ZNF385D: variants seen among roughly 807,000 people sequenced by gnomAD.
ZNF385D encodes the protein zinc finger protein 659.
Under a neutral mutation model 35.8 loss-of-function variants are expected in ZNF385D, and 15 were observed. The observed-to-expected ratio is 0.42, with a 90% CI of 0.28 to 0.64. ZNF385D has a LOEUF of 0.64. Among genes scored for constraint, ZNF385D ranks in the 30% least tolerant of loss-of-function variants. The pLI, the probability that ZNF385D is intolerant of heterozygous loss-of-function variation, is 0.23. For synonymous variants in ZNF385D, 212 were observed against 186.8 expected (o/e 1.13, Z -1.10); for missense variants, 474 against 494.6 (o/e 0.96, Z 0.39).
intron 3 of ZNF385D, among the ~76,000 whole-genome samples, chr3:22,008,899 T>G (rs752936993): frequency 8.5e-5 from 13 of 152,240 alleles, no homozygotes; most frequent in East Asian, 1.9e-4. Context: ...ATCTGAAAAT[T>G]AATGAGAGGC....
chr3:22,303,838 C>T (rs750984174), intron 2 of ZNF385D, among the ~76,000 whole-genome samples: 24 of 152,042 alleles, frequency 1.6e-4, no homozygotes, highest in East Asian at 5.8e-4. Flanking sequence ...AGTGCAATGG[C>T]GCAATCTTGG....
intron 3 of ZNF385D, among the ~76,000 whole-genome samples, chr3:22,086,728 A>G (rs1205699813): frequency 6.6e-6 from 1 of 152,208 alleles, no homozygotes; most frequent in Non-Finnish European, 1.5e-5. Flanking sequence ...TATGGCACAT[A>G]TACACCATGG....
chr3:22,200,695 A>G (rs1173147017), intron 2 of ZNF385D, among the ~76,000 whole-genome samples: 2 of 151,938 alleles, frequency 1.3e-5, no homozygotes, highest in Non-Finnish European at 1.5e-5. Context: ...ACTGGGGTCT[A>G]TTTCACCCCT....
At chr3:21,991,029 G>A (rs1412895504) in intron 3 of ZNF385D, among the ~76,000 whole-genome samples, 3 of 152,118 alleles carry the variant, frequency 2.0e-5, no homozygotes, top group South Asian at 2.1e-4. Context: ...GGTTTGTTAC[G>A]GAGGTATAAT....
intron 2 of ZNF385D, among the ~76,000 whole-genome samples, chr3:22,249,986 C>G (rs1325341028): frequency 1.3e-5 from 2 of 152,116 alleles, no homozygotes; most frequent in Non-Finnish European, 2.9e-5. Context: ...CCCAAAGCAA[C>G]TATACAATGT....
In ZNF385D at chr3:21,437,070, A is replaced by G; in HGVS notation, c.573T>C (p.Pro191=). ...CCTTTTCTTCCTCGGTCTCAGTAGAAGGACATGAGCTATTGCCAGTGGCTG... is the reference window on the plus strand; with the variant it reads ...CCTTTTCTTCCTCGGTCTCAGTAGAGGGACATGAGCTATTGCCAGTGGCTG... ...PTTATGNSSC[P]STETEEEKAK... The change falls in exon 5 of 8, where the codon CCT becomes CCC. Residue 191 remains proline, a synonymous_variant. Transcript: ENST00000281523. The G allele has an allele frequency of 6.2e-7, 1 of 1,614,038 alleles. No homozygotes were observed. Among genetic ancestry groups the G allele is most frequent in the Non-Finnish European group, 8.5e-7 (1 of 1,179,916 alleles).
At chr3:21,821,308 T>C (rs1694209758) in intron 3 of ZNF385D, among the ~76,000 whole-genome samples, 1 of 152,118 alleles carries the variant, frequency 6.6e-6, no homozygotes, top group Non-Finnish European at 1.5e-5. Context: ...ATAAATAAAT[T>C]GTCCTTATCT....
intron 3 of ZNF385D, among the ~76,000 whole-genome samples, chr3:21,965,450 G>A (rs1702860559): frequency 6.6e-6 from 1 of 152,034 alleles, no homozygotes; most frequent in African/African-American, 2.4e-5. Flanking sequence ...GTAAAAATAT[G>A]CTTTTAAAAA....
intron 3 of ZNF385D, chr3:21,777,495 G>C (rs76374241): frequency 6.6e-6 from 1 of 151,758 alleles, no homozygotes; most frequent in African/African-American, 2.4e-5. Flanking sequence ...ATTCTCTGAC[G>C]GTGCATTGGG....
chr3:21,841,907 T>TACATATATGTATATATAC (rs1559680132), intron 3 of ZNF385D, among the ~76,000 whole-genome samples: 1 of 151,662 alleles, frequency 6.6e-6, no homozygotes, highest in Non-Finnish European at 1.5e-5. Flanking sequence ...CAGAAATACA[T>TACATATATGTATATATAC]ACATATATGT....
chr3:21,982,050 T>G (rs1176951652), intron 3 of ZNF385D, among the ~76,000 whole-genome samples: 2 of 151,618 alleles, frequency 1.3e-5, no homozygotes, highest in African/African-American at 4.8e-5. Context: ...ATTTGGGCTC[T>G]TTTTTGGTTC....
chr3:22,143,959 T>C (rs940947526), intron 3 of ZNF385D, among the ~76,000 whole-genome samples: 2 of 152,202 alleles, frequency 1.3e-5, no homozygotes, highest in Admixed American at 1.3e-4. Context: ...AAATGTATAA[T>C]AGGGGTTCAA....
chr3:21,955,824 C>T (rs1436375192), intron 3 of ZNF385D, among the ~76,000 whole-genome samples: 1 of 152,030 alleles, frequency 6.6e-6, no homozygotes, highest in Non-Finnish European at 1.5e-5. Context: ...TGGTGTGACA[C>T]AGATAATTCA....
rs534092563 is a variant in ZNF385D at position 21,600,715 on chromosome 3, G to A, written c.166-36031C>T. Among the ~76,000 whole-genome samples the A allele has an allele frequency of 5.3e-5, 8 of 151,918 alleles. No homozygotes were observed. The South Asian group carries it at 1.3e-3, about 24-fold the overall frequency. On this transcript the variant is annotated intron_variant, in intron 2 of 7. Coordinates refer to ENST00000281523, the MANE Select transcript of ZNF385D (RefSeq NM_024697.3). ...GAGAGAGAGGAAATACAGAGGAAAC[G>A]AGCAGTGCAGGTAACAAAAAAATAA...
chr3:22,208,989 C>T (rs1484700442), intron 2 of ZNF385D, among the ~76,000 whole-genome samples: 1 of 151,760 alleles, frequency 6.6e-6, no homozygotes, highest in Admixed American at 6.6e-5. Context: ...CAAGGTGATC[C>T]CCCACTTTAT....
In ZNF385D at chr3:21,425,504, C is replaced by T. The variant is rs201622878; in HGVS notation, c.840G>A (p.Thr280=). ...ACGTGCTGTTTACCTGTTTAAGTTGCGTTTCCGAGTTGACGTGCACATCAC... is the reference window on the plus strand; with the variant it reads ...ACGTGCTGTTTACCTGTTTAAGTTGTGTTTCCGAGTTGACGTGCACATCAC... ...EICDVHVNSE[T]QLKQHISSRR... The change falls in exon 6 of 8, where the codon ACG becomes ACA. Residue 280 remains threonine, a synonymous_variant. Transcript: ENST00000281523. 128 of 1,596,826 alleles carry T rather than the reference C, an allele frequency of 8.0e-5. No homozygotes were observed. Among genetic ancestry groups the T allele is most frequent in the Middle Eastern group, 1.7e-4 (1 of 6,012 alleles).
At chr3:21,987,964 C>T (rs1694909450) in intron 3 of ZNF385D, among the ~76,000 whole-genome samples, 1 of 147,314 alleles carries the variant, frequency 6.8e-6, no homozygotes, top group African/African-American at 2.4e-5. Context: ...ATTGCATTGG[C>T]TCCTGAAGCT....
At chr3:21,704,220 G>A (rs73138887) in intron 1 of ZNF385D, among the ~76,000 whole-genome samples, 34 of 152,228 alleles carry the variant, frequency 2.2e-4, no homozygotes, top group African/African-American at 7.5e-4. Context: ...TTAGCTAGTG[G>A]TTGGTTTGCC....
chr3:21,677,093 A>G (rs1025222854), intron 1 of ZNF385D, among the ~76,000 whole-genome samples: 4 of 152,134 alleles, frequency 2.6e-5, no homozygotes, highest in African/African-American at 9.7e-5. Context: ...ACATCGTAAA[A>G]TAGTGCAGTT....
Sources: allele counts gnomAD v4.1 joint callset (sites outside exome capture counted in the v4.1 genomes callset), GRCh38; gene constraint gnomAD v4.1.1; transcripts MANE v1.5; gene names NCBI Gene and HGNC (gene_info 2026-07-23, HGNC 2026-07-21).